The following TRIB1 variants were observed in gnomAD, a reference collection of about 807,000 sequenced individuals.
TRIB1 encodes tribbles pseudokinase 1, also known as tribbles homolog 1.
Under a neutral mutation model 27.8 loss-of-function variants are expected in TRIB1, and 12 were observed. The observed-to-expected ratio is 0.43, with a 90% CI of 0.28 to 0.70. The LOEUF (loss-of-function observed/expected upper bound fraction) is 0.70, where lower values mean the gene tolerates loss of function less well. TRIB1 is among the 30% of genes least tolerant of loss of function. The pLI, the probability that TRIB1 is intolerant of heterozygous loss-of-function variation, is 0.18. For missense variants in TRIB1, 475 were observed against 515.8 expected, an observed-to-expected ratio of 0.92 and a Z score of 0.77; for synonymous variants, 230 against 224.9, an observed-to-expected ratio of 1.02 and a Z score of -0.20.
chr8:125,436,523 C>G lies in TRIB1; in HGVS notation c.*52C>G. ...TTCTTAACACCTGGCATTTCCATTT[C>G]TAAAGATGGACAGGCCCTTTGGCGT... On this transcript the variant is annotated 3_prime_UTR_variant, in exon 3 of 3. Transcript: ENST00000311922. 6.4e-7 allele frequency: 1 copy of G among 1,559,716 alleles called. No individual in the cohort carries two copies. The highest frequency in any genetic ancestry group is 8.8e-7 in the Non-Finnish European group (1 of 1,139,124).
Position 125,433,095 on chromosome 8 carries a change from T to G in TRIB1, c.361-222T>G. The stretch of plus-strand genomic sequence containing the variant: ...CATCTGTGTGAAAGCGGGTAACCCT[T>G]TGGGTATTTGCAAGTCTAGAGCTTT... On this transcript the variant is annotated intron_variant, in intron 1 of 2. Coordinates refer to ENST00000311922, the MANE Select transcript of TRIB1 (RefSeq NM_025195.4). This position sits in a 1 kb window ranked among gnomAD's most constrained non-coding sequence, Gnocchi z 4.4. 3.6e-6 allele frequency: 2 copies of G among 557,346 alleles called. No homozygotes were observed. Among genetic ancestry groups the G allele is most frequent in the East Asian group, 2.9e-5 (1 of 34,694 alleles). The allele number at this position is 557,346 out of a possible 1,614,324, so 34.5% of individuals were successfully genotyped here.
intron 1 of TRIB1, 151 bp downstream of exon 1, chr8:125,431,413 T>A: frequency 1.1e-6 from 1 of 892,274 alleles, no homozygotes; most frequent in Non-Finnish European, 1.5e-6. Flanking sequence ...CAGGTTCACG[T>A]TTTTGTGGAT....
At position 125,430,869 on chromosome 8, in the gene TRIB1, T is replaced by G; in HGVS notation, c.-34T>G. 4 of 1,380,024 alleles carry G rather than the reference T, an allele frequency of 2.9e-6. No individual in the cohort carries two copies. Among genetic ancestry groups the G allele is most frequent in the Non-Finnish European group, 3.7e-6 (4 of 1,074,038 alleles). 85.5% of individuals were successfully genotyped at this position (1,380,024 alleles called of 1,614,324 possible). A position where few individuals can be genotyped will look rare whatever the true frequency, so the allele number is the denominator to read the frequency against. ...CGTCTTCCCGCGCGGATCCCGGGAC[T>G]TAAAAAGCCGGGGCCACCCCGGCCC... On this transcript the variant is annotated 5_prime_UTR_variant, in exon 1 of 3. Coordinates refer to ENST00000311922, the MANE Select transcript of TRIB1 (RefSeq NM_025195.4).
Position 125,430,999 on chromosome 8 carries a change from C to T in TRIB1, c.97C>T (p.Arg33Cys). 4.1e-6 allele frequency: 6 copies of T among 1,465,892 alleles called. No homozygotes were observed. The highest frequency in any genetic ancestry group is 5.4e-6 in the Non-Finnish European group (6 of 1,117,438). 90.8% of individuals were successfully genotyped at this position (1,465,892 alleles called of 1,614,324 possible). A position where few individuals can be genotyped will look rare whatever the true frequency, so the allele number is the denominator to read the frequency against. The change falls in exon 1 of 3, where the codon CGC becomes TGC. Residue 33 changes from arginine (R) to cysteine (C), a missense_variant. Transcript: ENST00000311922. ...FPATRGVPAK[R>C]LLDADDAAAV... ...AGCCACCCGAGGCGTCCCGGCCAAA[C>T]GCCTGCTGGACGCCGACGACGCGGC...
At chr8:125,435,953 G>T in intron 2 of TRIB1, 53 bp from the exon 3 acceptor site, 1 of 1,512,170 alleles carries the variant, frequency 6.6e-7, no homozygotes. Flanking sequence ...GGAAGGCTTT[G>T]TTTTTCATAG....
chr8:125,430,538 C>T lies in TRIB1; in HGVS notation c.-365C>T, dbSNP rs369969567. On this transcript the variant is annotated 5_prime_UTR_variant, in exon 1 of 3. Coordinates refer to ENST00000311922, the MANE Select transcript of TRIB1 (RefSeq NM_025195.4). ...CGCCGAGCCTGCTGAATCCTGTCCT[C>T]GCGGCTCGGGACCCCGGGATCGCTG... is the stretch of plus-strand genomic sequence containing the variant. 57 of 207,836 alleles carry T rather than the reference C, an allele frequency of 2.7e-4. No individual in the cohort carries two copies. The East Asian group carries it at 4.8e-3, about 17-fold the overall frequency. 12.9% of individuals were successfully genotyped at this position (207,836 alleles called of 1,614,324 possible).
rs764695672 is a variant in TRIB1 at position 125,436,090 on chromosome 8, A to G, written c.738A>G (p.Pro246=). 6 of 1,614,164 alleles carry G rather than the reference A, an allele frequency of 3.7e-6. No individual in the cohort carries two copies. In the South Asian group the frequency reaches 5.5e-5, roughly 15 times the overall value. ...CTTTGTCAGACAAACATGGCTGCCCAGCCTACGTGAGCCCTGAGATCCTCA... is the reference window on the plus strand; with the variant it reads ...CTTTGTCAGACAAACATGGCTGCCCGGCCTACGTGAGCCCTGAGATCCTCA... ...DDALSDKHGC[P]AYVSPEILNT... Residue 246 remains proline (P), a synonymous_variant, in exon 3 of 3, where the codon CCA becomes CCG. Transcript: ENST00000311922.
chr8:125,431,344 A>G (rs1164050916), intron 1 of TRIB1, 82 bp downstream of exon 1: 2 of 1,232,822 alleles, frequency 1.6e-6, no homozygotes, highest in African/African-American at 1.6e-5. Flanking sequence ...GGTCCGGCCA[A>G]CGCTTGGGCT....
At position 125,433,574 on chromosome 8, in the gene TRIB1, G is replaced by A. The variant is rs190432242; in HGVS notation, c.618G>A (p.Leu206=). The change falls in exon 2 of 3, where the codon CTG becomes CTA. Residue 206 remains leucine (L), a synonymous_variant. Coordinates refer to ENST00000311922, the MANE Select transcript of TRIB1 (RefSeq NM_025195.4). This position sits in a 1 kb window ranked among gnomAD's most constrained non-coding sequence, Gnocchi z 4.4. The part of the protein sequence containing the change: ...CHQSAIVLGD[L]KLRKFVFSTE... ...AGTCAGCCATCGTGCTGGGGGACCT[G>A]AAGCTTAGGAAGTTCGTCTTCTCCA... The A allele has an allele frequency of 2.7e-5, 43 of 1,610,684 alleles. No individual in the cohort carries two copies. In the East Asian group the frequency reaches 9.2e-4, roughly 34 times the overall value.
At position 125,433,301 on chromosome 8, in the gene TRIB1, C is replaced by T. The variant is rs1438231766; in HGVS notation, c.361-16C>T. On this transcript the variant is annotated splice_polypyrimidine_tract_variant and intron_variant, in intron 1 of 2. Transcript: ENST00000311922. The surrounding 1 kb of genome is among the most constrained non-coding windows in gnomAD (Gnocchi z 4.4). ...GCTTTTCTAGCCCCCTAAACGGGCC[C>T]CCCTTCTCTCTACAGGTGTTTCCCA... 2 of 1,603,342 alleles carry T rather than the reference C, an allele frequency of 1.2e-6. No homozygotes were observed. Among genetic ancestry groups the T allele is most frequent in the Admixed American group, 1.7e-5 (1 of 59,732 alleles).
chr8:125,434,897 T>C (rs1022071796), intron 2 of TRIB1, among the ~76,000 whole-genome samples: 4 of 149,818 alleles, frequency 2.7e-5, no homozygotes, highest in African/African-American at 9.9e-5. Context: ...TTAGCACATG[T>C]ATACTACACT....
At position 125,430,881 on chromosome 8, in the gene TRIB1, G is replaced by A. The variant is rs1468259939; in HGVS notation, c.-22G>A. 7 of 1,390,926 alleles carry A rather than the reference G, an allele frequency of 5.0e-6. No homozygotes were observed. The highest frequency in any genetic ancestry group is 6.5e-6 in the Non-Finnish European group (7 of 1,079,834). 86.2% of individuals were successfully genotyped at this position (1,390,926 alleles called of 1,614,324 possible). A position where few individuals can be genotyped will look rare whatever the true frequency, so the allele number is the denominator to read the frequency against. On this transcript the variant is annotated 5_prime_UTR_variant, in exon 1 of 3. Transcript: ENST00000311922. ...CGGATCCCGGGACTTAAAAAGCCGGGGCCACCCCGGCCCAGGACGGGATGC... is the reference window on the plus strand; with the variant it reads ...CGGATCCCGGGACTTAAAAAGCCGGAGCCACCCCGGCCCAGGACGGGATGC...
In TRIB1 at chr8:125,433,298, GC is replaced by G. The variant is rs374176209; in HGVS notation, c.361-13del. The G allele has an allele frequency of 1.2e-6, 2 of 1,601,882 alleles. No homozygotes were observed. The highest frequency in any genetic ancestry group is 1.7e-6 in the Non-Finnish European group (2 of 1,170,170). On this transcript the variant is annotated intron_variant, in intron 1 of 2. Coordinates refer to ENST00000311922, the MANE Select transcript of TRIB1 (RefSeq NM_025195.4). This position sits in a 1 kb window ranked among gnomAD's most constrained non-coding sequence, Gnocchi z 4.4. ...TTTGCTTTTCTAGCCCCCTAAACGG[GC>G]CCCCCTTCTCTCTACAGGTGTTTCC...
Position 125,436,125 on chromosome 8 carries a change from G to C in TRIB1, c.773G>C (p.Gly258Ala). 1 of 1,614,154 alleles carries C rather than the reference G, an allele frequency of 6.2e-7. No homozygotes were observed. Among genetic ancestry groups the C allele is most frequent in the Non-Finnish European group, 8.5e-7 (1 of 1,180,034 alleles). Residue 258 changes from glycine (G) to alanine (A), a missense_variant, in exon 3 of 3, where the codon GGG becomes GCG. By Grantham distance (60) the Gly-to-Ala change is moderately conservative (BLOSUM62 0). Transcript: ENST00000311922. ...YVSPEILNTT[G>A]TYSGKAADVW... ...AGCCCTGAGATCCTCAACACCACTG[G>C]GACCTACTCCGGAAAGGCTGCGGAC...
In TRIB1 at chr8:125,436,268, C is replaced by A. The variant is rs1814746223; in HGVS notation, c.916C>A (p.His306Asn). ...IRRGQFCIPE[H>N]ISPKARCLIR... ...GCGTGGACAGTTCTGCATTCCTGAG[C>A]ACATTTCCCCCAAAGCCAGGTGCCT... Residue 306 changes from histidine to asparagine, a missense_variant, in exon 3 of 3, where the codon CAC (histidine) becomes AAC (asparagine). Transcript: ENST00000311922. The A allele has an allele frequency of 6.2e-7, 1 of 1,613,982 alleles. No homozygotes were observed. The highest frequency in any genetic ancestry group is 1.3e-5 in the African/African-American group (1 of 74,884).
At chr8:125,431,370 C>T (rs1814653621) in intron 1 of TRIB1, 108 bp downstream of exon 1, 3 of 1,159,860 alleles carry the variant, frequency 2.6e-6, no homozygotes, top group Non-Finnish European at 2.2e-6. Context: ...CAGGGCGGAT[C>T]AGTAGATTGG....
rs1563824238 is a variant in TRIB1, at chr8:125,433,298, G to A, written c.361-19G>A. ...TTTGCTTTTCTAGCCCCCTAAACGG[G>A]CCCCCCTTCTCTCTACAGGTGTTTC... On this transcript the variant is annotated intron_variant, in intron 1 of 2. Coordinates refer to ENST00000311922, the MANE Select transcript of TRIB1 (RefSeq NM_025195.4). The surrounding 1 kb of genome is among the most constrained non-coding windows in gnomAD (Gnocchi z 4.4). The A allele has an allele frequency of 6.2e-7, 1 of 1,601,882 alleles. No individual in the cohort carries two copies. The highest frequency in any genetic ancestry group is 1.7e-5 in the Admixed American group (1 of 59,616).
At position 125,430,692 on chromosome 8, in the gene TRIB1, T is replaced by C. The variant is rs2280826; in HGVS notation, c.-211T>C. ...CCGGGGACTCGAGCCGGCCTCCGCCTCCCGGACGCACAGCCAGCGTGGTCC... is the reference window on the plus strand; with the variant it reads ...CCGGGGACTCGAGCCGGCCTCCGCCCCCCGGACGCACAGCCAGCGTGGTCC... On this transcript the variant is annotated 5_prime_UTR_variant, in exon 1 of 3. Coordinates refer to ENST00000311922, the MANE Select transcript of TRIB1 (RefSeq NM_025195.4). The C allele has an allele frequency of 0.59, 329,536 of 554,582 alleles. 99,565 individuals carry two copies. The highest frequency in any genetic ancestry group is 0.81 in the South Asian group (15,472 of 19,056). The allele number at this position is 554,582 out of a possible 1,614,324, so 34.4% of individuals were successfully genotyped here. A position where few individuals can be genotyped will look rare whatever the true frequency, so the allele number is the denominator to read the frequency against.
chr8:125,432,520 G>A (rs571609828), intron 1 of TRIB1, among the ~76,000 whole-genome samples: 67 of 152,094 alleles, frequency 4.4e-4, no homozygotes, highest in Non-Finnish European at 8.5e-4. Flanking sequence ...GTTTCCAGTT[G>A]AGTCTAGGAT....
Sources: gnomAD v4.1 joint callset for allele counts (sites outside exome capture counted in the v4.1 genomes callset) on GRCh38, gnomAD v4.1.1 for gene constraint, Gnocchi (gnomAD v3.1) non-coding constraint, MANE v1.5 for transcripts, NCBI Gene and HGNC (gene_info 2026-07-23, HGNC 2026-07-21) for gene names.